The following GPR39 variants were observed in gnomAD, a reference collection of about 807,000 sequenced individuals.
The protein encoded by GPR39 is G protein-coupled receptor 39.
A neutral mutation model predicts 18.4 loss-of-function variants in GPR39; 23 were observed. That is an observed-to-expected ratio of 1.25 (90% CI 0.90 to 1.77). GPR39 has a LOEUF of 1.77. GPR39 is among the 40% of genes most tolerant of loss of function. GPR39 has a pLI of 0.00. For missense variants in GPR39, 647 were observed against 602.4 expected (o/e 1.07, Z -0.78); for synonymous variants, 280 against 257.9 (o/e 1.09, Z -0.82).
intron 1 of GPR39, among the ~76,000 whole-genome samples, chr2:132,520,493 G>A (rs555180047): frequency 1.3e-5 from 2 of 152,304 alleles, no homozygotes; most frequent in African/African-American, 4.8e-5. Context: ...TGGAAGATGA[G>A]GCATCACCTC....
At chr2:132,422,499 G>A (rs1005007258) in intron 1 of GPR39, among the ~76,000 whole-genome samples, 1 of 152,066 alleles carries the variant, frequency 6.6e-6, no homozygotes, top group Non-Finnish European at 1.5e-5. Flanking sequence ...TCTTCACTAG[G>A]TTAAATGCTT....
At chr2:132,633,139 T>C (rs55782140) in intron 1 of GPR39, among the ~76,000 whole-genome samples, 2,342 of 152,218 alleles carry the variant, frequency 0.015, 76 homozygotes, top group African/African-American at 0.054. Flanking sequence ...ACCAGGCAGT[T>C]CTAGAGCATC....
chr2:132,560,788 G>A (rs1259201666), intron 1 of GPR39, among the ~76,000 whole-genome samples: 1 of 152,144 alleles, frequency 6.6e-6, no homozygotes, highest in African/African-American at 2.4e-5. Flanking sequence ...GCCCAAGCCT[G>A]GGAAGTGAGC....
chr2:132,567,973 A>G lies in GPR39; in HGVS notation c.857-77128A>G, dbSNP rs144926430. 4.8e-4 allele frequency among the ~76,000 whole-genome samples: 73 copies of G among 152,218 alleles called. No individual in the cohort carries two copies. The East Asian group carries it at 0.012, about 25-fold the overall frequency. On this transcript the variant is annotated intron_variant, in intron 1 of 1. Coordinates refer to ENST00000329321, the MANE Select transcript of GPR39 (RefSeq NM_001508.3). ...TGTGAGTCCTCCCCAGCCATGTGGA[A>G]CTGTAAGTCCAAGAGACTTCTTCCT...
chr2:132,561,873 C>T (rs1680260314), intron 1 of GPR39, among the ~76,000 whole-genome samples: 1 of 152,170 alleles, frequency 6.6e-6, no homozygotes, highest in Non-Finnish European at 1.5e-5. Flanking sequence ...CTCCCTCTTA[C>T]TCCAACTTTT....
chr2:132,419,939 T>C (rs900044176), intron 1 of GPR39, among the ~76,000 whole-genome samples: 2 of 152,208 alleles, frequency 1.3e-5, no homozygotes, highest in Non-Finnish European at 2.9e-5. Context: ...TAGATGTCTG[T>C]TCTCCCCACA....
At chr2:132,507,580 C>G (rs1679157528) in intron 1 of GPR39, among the ~76,000 whole-genome samples, 1 of 152,182 alleles carries the variant, frequency 6.6e-6, no homozygotes, top group Non-Finnish European at 1.5e-5. Context: ...CATTGCAATT[C>G]TGATCACTAC....
At chr2:132,601,970 A>G (rs1343248004) in intron 1 of GPR39, among the ~76,000 whole-genome samples, 4 of 152,154 alleles carry the variant, frequency 2.6e-5, no homozygotes, top group Non-Finnish European at 5.9e-5. Context: ...TAAAATGACA[A>G]TACTACCCAA....
At chr2:132,564,375 G>A (rs1680309488) in intron 1 of GPR39, among the ~76,000 whole-genome samples, 1 of 152,146 alleles carries the variant, frequency 6.6e-6, no homozygotes, top group Non-Finnish European at 1.5e-5. Context: ...ATAATAAACA[G>A]ATATGACTAA....
intron 1 of GPR39, among the ~76,000 whole-genome samples, chr2:132,613,032 C>T (rs1223264528): frequency 6.6e-6 from 1 of 152,078 alleles, no homozygotes; most frequent in Non-Finnish European, 1.5e-5. Context: ...AAGATTTATT[C>T]CTAGATATCC....
chr2:132,526,757 A>G (rs1679521961), intron 1 of GPR39, among the ~76,000 whole-genome samples: 1 of 152,082 alleles, frequency 6.6e-6, no homozygotes, highest in African/African-American at 2.4e-5. Context: ...CTAAGCTCCT[A>G]TATTAACTGT....
intron 1 of GPR39, among the ~76,000 whole-genome samples, chr2:132,449,606 G>A (rs1347706644): frequency 1.3e-5 from 2 of 152,096 alleles, no homozygotes; most frequent in Non-Finnish European, 2.9e-5. Context: ...TTGGGTTTGA[G>A]GGCTTCTCAT....
intron 1 of GPR39, among the ~76,000 whole-genome samples, chr2:132,616,160 C>A (rs2104854940): frequency 6.6e-6 from 1 of 152,210 alleles, no homozygotes; most frequent in South Asian, 2.1e-4. Context: ...TGTGGGTTCT[C>A]AGCTGGGACC....
rs747665361 is a variant in GPR39 at position 132,418,895 on chromosome 2, C to T, written c.856+997C>T. ...AAACATTTCCCTTCTTCCCTCTCCC[C>T]TGTGGCATCAGGAAAAGGAATAAAT... is the stretch of plus-strand genomic sequence containing the variant. On this transcript the variant is annotated intron_variant, in intron 1 of 1. Transcript: ENST00000329321. 5.9e-5 allele frequency among the ~76,000 whole-genome samples: 9 copies of T among 152,296 alleles called. 1 individual carries two copies. In the South Asian group the frequency reaches 1.9e-3, roughly 32 times the overall value.
intron 1 of GPR39, among the ~76,000 whole-genome samples, chr2:132,605,605 G>C (rs1681123407): frequency 6.6e-6 from 1 of 152,120 alleles, no homozygotes. Flanking sequence ...GAATCTCATG[G>C]GCTTATCTTT....
intron 1 of GPR39, among the ~76,000 whole-genome samples, chr2:132,606,716 C>T (rs962426366): frequency 2.0e-5 from 3 of 152,258 alleles, no homozygotes; most frequent in South Asian, 2.1e-4. Flanking sequence ...TTAGATCACA[C>T]GAGGGCTTAG....
chr2:132,493,196 C>CAT (rs1442388575), intron 1 of GPR39, among the ~76,000 whole-genome samples: 6 of 133,166 alleles, frequency 4.5e-5, no homozygotes, highest in African/African-American at 1.9e-4. Context: ...ATATATACAC[C>CAT]ATATATACAC....
chr2:132,614,571 G>A (rs1024171048), intron 1 of GPR39, among the ~76,000 whole-genome samples: 7 of 151,150 alleles, frequency 4.6e-5, no homozygotes, highest in African/African-American at 1.7e-4. Context: ...AGTCTCTTGA[G>A]ATGGAGTCTC....
intron 1 of GPR39, among the ~76,000 whole-genome samples, chr2:132,472,115 A>G (rs913459669): frequency 1.3e-5 from 2 of 152,158 alleles, no homozygotes; most frequent in African/African-American, 2.4e-5. Flanking sequence ...GCAGGAGCCC[A>G]TGATGTTTGG....
Sources: allele counts gnomAD v4.1 joint callset (sites outside exome capture counted in the v4.1 genomes callset), GRCh38; gene constraint gnomAD v4.1.1; transcripts MANE v1.5; gene names NCBI Gene and HGNC (gene_info 2026-07-23, HGNC 2026-07-21).